The following EHBP1 variants were observed in gnomAD, a reference collection of about 807,000 sequenced individuals.
The protein encoded by EHBP1 is EH domain binding protein 1.
A neutral mutation model predicts 144.0 loss-of-function variants in EHBP1; 55 were observed. The observed-to-expected ratio is 0.38, with a 90% CI of 0.31 to 0.48. The LOEUF (loss-of-function observed/expected upper bound fraction) is 0.48. Ranked by LOEUF, EHBP1 falls within the 20% of genes least tolerant of loss-of-function variation. The probability of loss-of-function intolerance (pLI) is 0.98; values close to 1 mark genes in which losing one functional copy is unlikely to be tolerated. For missense variants in EHBP1, 1,200 were observed against 1,364.2 expected, an observed-to-expected ratio of 0.88 and a Z score of 1.90; for synonymous variants, 469 against 472.7, an observed-to-expected ratio of 0.99 and a Z score of 0.10.
At chr2:62,733,521 C>A (rs141467454) in intron 2 of EHBP1, among the ~76,000 whole-genome samples, 1 of 152,134 alleles carries the variant, frequency 6.6e-6, no homozygotes, top group Admixed American at 6.5e-5. Flanking sequence ...TTGGCTTTAC[C>A]CTCCCCAGTG....
chr2:62,965,387 T>G (rs144834222), intron 14 of EHBP1, among the ~76,000 whole-genome samples: 12 of 152,338 alleles, frequency 7.9e-5, no homozygotes, highest in African/African-American at 2.4e-4. Context: ...GCCTGTGAGA[T>G]ATTAATGACG....
chr2:62,675,204 T>C (rs1230330773), intron 1 of EHBP1, among the ~76,000 whole-genome samples: 1 of 152,178 alleles, frequency 6.6e-6, no homozygotes, highest in Non-Finnish European at 1.5e-5. Flanking sequence ...TGAGCATGTC[T>C]CCAGAGTAGC....
intron 3 of EHBP1, among the ~76,000 whole-genome samples, chr2:62,756,495 G>A (rs574961838): frequency 5.4e-4 from 82 of 152,090 alleles, no homozygotes; most frequent in Non-Finnish European, 9.1e-4. Flanking sequence ...TAGGCTGCGC[G>A]TGTTGGCTCA....
chr2:62,864,829 A>G lies in EHBP1; in HGVS notation c.856A>G (p.Asn286Asp), dbSNP rs752926448. The change falls in exon 9 of 23, where the codon AAC becomes GAC. Residue 286 changes from asparagine (N) to aspartate (D), a missense_variant. Physicochemically the swap from Asn to Asp is conservative, Grantham distance 23 (BLOSUM62 1). Coordinates refer to ENST00000431489, the MANE Select transcript of EHBP1 (RefSeq NM_001142616.3). ...FKEVQTPQYLNPFDEPEAFVT... is the reference protein window; with the variant it reads ...FKEVQTPQYLDPFDEPEAFVT... ...AGAGGTGCAGACTCCACAGTATTTG[A>G]ACCCATTCGATGAGCCAGAAGCATT... The G allele has an allele frequency of 3.7e-6, 6 of 1,613,990 alleles. No individual in the cohort carries two copies. Among genetic ancestry groups the G allele is most frequent in the Non-Finnish European group, 5.1e-6 (6 of 1,179,998 alleles).
intron 5 of EHBP1, 91 bp from the exon 6 acceptor site, chr2:62,825,996 A>G: frequency 1.1e-6 from 1 of 933,124 alleles, no homozygotes; most frequent in Non-Finnish European, 1.5e-6. Flanking sequence ...GTTTTCAATT[A>G]TTATTTGATT....
At chr2:62,783,458 G>A (rs892919754) in intron 5 of EHBP1, among the ~76,000 whole-genome samples, 20 of 152,374 alleles carry the variant, frequency 1.3e-4, no homozygotes, top group African/African-American at 4.8e-4. Context: ...TGCCCCTGCA[G>A]CAAACTTCTA....
At chr2:62,739,381 A>C (rs1191321613) in intron 2 of EHBP1, among the ~76,000 whole-genome samples, 1 of 151,730 alleles carries the variant, frequency 6.6e-6, no homozygotes, top group Admixed American at 6.6e-5. Context: ...GGTCAGATTG[A>C]TAGATTCTTT....
intron 1 of EHBP1, among the ~76,000 whole-genome samples, chr2:62,690,240 C>T (rs1322627945): frequency 2.0e-5 from 3 of 151,996 alleles, no homozygotes; most frequent in African/African-American, 7.2e-5. Context: ...GTATATGTGT[C>T]TTTAAAAATA....
chr2:62,858,379 T>C (rs1228451662), intron 7 of EHBP1: 1 of 1,495,064 alleles, frequency 6.7e-7, no homozygotes, highest in Admixed American at 1.7e-5. Context: ...TTACCTTATA[T>C]TTGTCTTGAC....
intron 1 of EHBP1, among the ~76,000 whole-genome samples, chr2:62,695,705 A>T (rs1031098161): frequency 3.3e-5 from 5 of 152,252 alleles, no homozygotes; most frequent in Admixed American, 6.5e-5. Flanking sequence ...ATACACGTTT[A>T]ATCCTTATTA....
intron 5 of EHBP1, among the ~76,000 whole-genome samples, chr2:62,783,631 C>A (rs1357776330): frequency 6.6e-6 from 1 of 152,252 alleles, no homozygotes; most frequent in East Asian, 1.9e-4. Flanking sequence ...TATGTTGGCC[C>A]CTTTTAGCCC....
chr2:62,988,508 C>A (rs988682835), intron 15 of EHBP1, among the ~76,000 whole-genome samples: 1 of 152,154 alleles, frequency 6.6e-6, no homozygotes, highest in African/African-American at 2.4e-5. Context: ...AATGATTTTA[C>A]ATATACTTAA....
At chr2:63,006,201 A>G (rs2060029796) in intron 19 of EHBP1, among the ~76,000 whole-genome samples, 1 of 152,036 alleles carries the variant, frequency 6.6e-6, no homozygotes, top group Non-Finnish European at 1.5e-5. Context: ...TGCTTTGCAC[A>G]TAAATGTCAG....
intron 5 of EHBP1, among the ~76,000 whole-genome samples, chr2:62,795,111 A>C (rs1427750299): frequency 6.6e-6 from 1 of 152,100 alleles, no homozygotes; most frequent in Middle Eastern, 3.2e-3. Flanking sequence ...AAAAAAAGGA[A>C]CTTTTTAGCA....
At chr2:62,753,422 G>T (rs778857153) in intron 3 of EHBP1, among the ~76,000 whole-genome samples, 9 of 152,210 alleles carry the variant, frequency 5.9e-5, no homozygotes, top group Non-Finnish European at 1.0e-4. Flanking sequence ...TTTCTCTGTG[G>T]CTGCCCTTAA....
intron 10 of EHBP1, among the ~76,000 whole-genome samples, chr2:62,907,363 T>C (rs1009648826): frequency 3.3e-5 from 5 of 152,190 alleles, no homozygotes; most frequent in African/African-American, 7.2e-5. Flanking sequence ...CACTGTTGCT[T>C]TAGTATGTTT....
intron 19 of EHBP1, among the ~76,000 whole-genome samples, chr2:63,027,733 C>A (rs1252963483): frequency 6.6e-6 from 1 of 151,970 alleles, no homozygotes; most frequent in Non-Finnish European, 1.5e-5. Flanking sequence ...TATCATATGA[C>A]CTTACTTATA....
At chr2:62,971,361 G>A (rs779177340) in intron 14 of EHBP1, among the ~76,000 whole-genome samples, 19 of 151,734 alleles carry the variant, frequency 1.3e-4, no homozygotes, top group Non-Finnish European at 2.5e-4. Context: ...AGTTTTAAGT[G>A]AATGTAAACA....
At chr2:62,709,425 A>C (rs2034920222) in intron 2 of EHBP1, among the ~76,000 whole-genome samples, 1 of 152,156 alleles carries the variant, frequency 6.6e-6, no homozygotes, top group South Asian at 2.1e-4. Flanking sequence ...GTTAAATTTT[A>C]ATCTTTTTCT....
Sources: allele counts gnomAD v4.1 joint callset (sites outside exome capture counted in the v4.1 genomes callset), GRCh38; gene constraint gnomAD v4.1.1; transcripts MANE v1.5; gene names NCBI Gene and HGNC (gene_info 2026-07-23, HGNC 2026-07-21).